Variants in MYH13 observed in about 807,000 individuals in gnomAD.
MYH13 encodes myosin heavy chain 13, also known as myosin-13.
A neutral mutation model predicts 232.1 loss-of-function variants in MYH13; 177 were observed. The ratio of observed to expected loss-of-function variants is 0.76; its 90% confidence interval spans 0.67 to 0.86. MYH13 has a LOEUF of 0.86. Ranked by LOEUF, MYH13 falls within the 40% of genes least tolerant of loss-of-function variation. The pLI is 0.00. For missense variants in MYH13, 2,246 were observed against 2,405.9 expected (o/e 0.93, Z 1.39); for synonymous variants, 884 against 923.5 (o/e 0.96, Z 0.78).
intron 13 of MYH13, 49 bp from the exon 14 acceptor site, chr17:10,345,665 T>C: frequency 6.2e-7 from 1 of 1,613,372 alleles, no homozygotes; most frequent in Non-Finnish European, 8.5e-7. Flanking sequence ...TTTCTATGGC[T>C]GCATTAAGTT....
intron 27 of MYH13, among the ~76,000 whole-genome samples, chr17:10,318,230 G>A (rs1222955169): frequency 6.6e-6 from 1 of 152,216 alleles, no homozygotes; most frequent in African/African-American, 2.4e-5. Flanking sequence ...GAACAAGAGC[G>A]AAACAGTGGT....
rs1906939059 is a variant in MYH13 at position 10,321,535 on chromosome 17, A to G, written c.3108T>C (p.Asp1036=). The G allele has an allele frequency of 1.2e-6, 2 of 1,610,972 alleles. No individual in the cohort carries two copies. The highest frequency in any genetic ancestry group is 8.5e-7 in the Non-Finnish European group (1 of 1,178,882). Residue 1036 remains aspartate, a synonymous_variant, in exon 24 of 41, where the codon GAT becomes GAC. Transcript: ENST00000252172. ...CATAGTAGTAAAATATCCTCACATC[A>G]TCTGTTTGCTGTTCAAGCTTGGCAT... ...KINAKLEQQT[D]DLEGSLEQEK...
In MYH13 at chr17:10,324,204, G is replaced by A. The variant is rs750336933; in HGVS notation, c.2752C>T (p.Leu918=). Residue 918 remains leucine (L), a synonymous_variant, in exon 23 of 41, where the codon CTA becomes TTA. Coordinates refer to ENST00000252172, the MANE Select transcript of MYH13 (RefSeq NM_003802.3). Reference sequence around the variant, plus strand: ...AGCTCCTTGACTTTTGCTTCCAGTAGGATCTTGCTTTTGATGAGTCCTTCA... The same window carrying A: ...AGCTCCTTGACTTTTGCTTCCAGTAAGATCTTGCTTTTGATGAGTCCTTCA... ...RCEGLIKSKI[L]LEAKVKELTE... is the part of the protein sequence containing the mutation. 1 of 1,613,878 alleles carries A rather than the reference G, an allele frequency of 6.2e-7. No individual in the cohort carries two copies. The highest frequency in any genetic ancestry group is 8.5e-7 in the Non-Finnish European group (1 of 1,179,878).
rs755218470 is a variant in MYH13 at position 10,345,289 on chromosome 17, C to G, written c.1497G>C (p.Glu499Asp). 1 of 1,614,054 alleles carries G rather than the reference C, an allele frequency of 6.2e-7. No homozygotes were observed. The highest frequency in any genetic ancestry group is 8.5e-7 in the Non-Finnish European group (1 of 1,179,996). The change falls in exon 15 of 41, where the codon GAG (glutamate) becomes GAC (aspartate). Residue 499 changes from glutamate to aspartate, a missense_variant. By Grantham distance (45) the Glu-to-Asp change is conservative. Coordinates refer to ENST00000252172, the MANE Select transcript of MYH13 (RefSeq NM_003802.3). The stretch of plus-strand genomic sequence containing the variant: ...TGCCTTCCTTCTTGTACTCTTCCTG[C>G]TCCAGCACGAACATGTGGTGGTTGA... ...QFFNHHMFVL[E>D]QEEYKKEGIE...
rs751858574 is a variant in MYH13 at position 10,307,039 on chromosome 17, T to A, written c.5195A>T (p.Lys1732Ile). The change falls in exon 36 of 41, where the codon AAA (lysine) becomes ATA (isoleucine). Residue 1732 changes from lysine (K) to isoleucine (I), a missense_variant. Coordinates refer to ENST00000252172, the MANE Select transcript of MYH13 (RefSeq NM_003802.3). The stretch of plus-strand genomic sequence containing the variant: ...CTGAGCTATGTCAGCCTCCAGTTTT[T>A]TCTTGGTATTTATCAGGCTTGTGTT... ...SQNTSLINTK[K>I]KLEADIAQCQ... The A allele has an allele frequency of 6.2e-7, 1 of 1,614,040 alleles. No individual in the cohort carries two copies. The highest frequency in any genetic ancestry group is 1.1e-5 in the South Asian group (1 of 91,082).
intron 35 of MYH13, 55 bp from the exon 36 acceptor site, chr17:10,307,119 A>T (rs1352252786): frequency 6.3e-7 from 1 of 1,591,252 alleles, no homozygotes; most frequent in African/African-American, 1.4e-5. Context: ...GCTTAAAAAA[A>T]TTGGGAGAGG....
chr17:10,305,366 T>G (rs949522418), intron 37 of MYH13, among the ~76,000 whole-genome samples: 1 of 152,238 alleles, frequency 6.6e-6, no homozygotes, highest in Non-Finnish European at 1.5e-5. Context: ...AAAATAAACA[T>G]TAAAGAATTT....
At chr17:10,331,205 C>T (rs1463943427) in intron 20 of MYH13, among the ~76,000 whole-genome samples, 2 of 152,186 alleles carry the variant, frequency 1.3e-5, no homozygotes, top group African/African-American at 4.8e-5. Flanking sequence ...GCTTCACCCT[C>T]TTCTTCTGTC....
Position 10,324,045 on chromosome 17 carries a change from C to T in MYH13, c.2911G>A (p.Glu971Lys). The change falls in exon 23 of 41, where the codon GAG becomes AAG. Residue 971 changes from glutamate to lysine, a missense_variant. Physicochemically the swap from Glu to Lys is moderately conservative, Grantham distance 56. Coordinates refer to ENST00000252172, the MANE Select transcript of MYH13 (RefSeq NM_003802.3). ...LELTLTKVEK[E>K]KHATENKVKN... ...ACCTTGTTCTCTGTGGCATGCTTCTCCTTTTCAACTTTCGTCAAGGTCAGC... is the reference window on the plus strand; with the variant it reads ...ACCTTGTTCTCTGTGGCATGCTTCTTCTTTTCAACTTTCGTCAAGGTCAGC... 2.5e-6 allele frequency: 4 copies of T among 1,614,006 alleles called. No homozygotes were observed. The highest frequency in any genetic ancestry group is 3.4e-6 in the Non-Finnish European group (4 of 1,179,966).
rs34109323 is a variant in MYH13 at position 10,371,278 on chromosome 17, A to AC, written c.-63-20_-63-19insG. On this transcript the variant is annotated intron_variant, in intron 1 of 40. Coordinates refer to ENST00000252172, the MANE Select transcript of MYH13 (RefSeq NM_003802.3). ...CGTCTTCCTGGGGATAATTTGAGAA[A>AC]AAAAAACAAACCAAAAAAACCCAAA... 30,440 of 152,132 alleles carry AC rather than the reference A, an allele frequency of 0.2. 3,248 individuals carry two copies. The highest frequency in any genetic ancestry group is 0.23 in the Non-Finnish European group (15,784 of 67,970). 9.4% of individuals were successfully genotyped at this position (152,132 alleles called of 1,614,324 possible). A position where few individuals can be genotyped will look rare whatever the true frequency, so the allele number is the denominator to read the frequency against.
chr17:10,317,892 T>C (rs1262843821), intron 27 of MYH13: 1 of 152,244 alleles, frequency 6.6e-6, no homozygotes, highest in African/African-American at 2.4e-5. Context: ...TTTTGTCTCA[T>C]TTTAAATATC....
chr17:10,344,540 G>T (rs768805566), intron 15 of MYH13, among the ~76,000 whole-genome samples: 3 of 151,950 alleles, frequency 2.0e-5, no homozygotes, highest in Admixed American at 2.0e-4. Context: ...AATGTCGGCC[G>T]GGCGTGGTGG....
Position 10,333,200 on chromosome 17 carries a change from A to C in MYH13, c.2057-9T>G, listed in dbSNP as rs1228366826. 1 of 1,531,762 alleles carries C rather than the reference A, an allele frequency of 6.5e-7. No individual in the cohort carries two copies. Among genetic ancestry groups the C allele is most frequent in the East Asian group, 2.5e-5 (1 of 40,780 alleles). 94.9% of individuals were successfully genotyped at this position (1,531,762 alleles called of 1,614,324 possible). A position where few individuals can be genotyped will look rare whatever the true frequency, so the allele number is the denominator to read the frequency against. ...GTAGTGGTCCATCACACCTGGAGAG[A>C]GAACGTCCCGGGGGTGTGCCTGTGA... is the stretch of plus-strand genomic sequence containing the variant. On this transcript the variant is annotated splice_polypyrimidine_tract_variant and intron_variant, in intron 18 of 40. Coordinates refer to ENST00000252172, the MANE Select transcript of MYH13 (RefSeq NM_003802.3).
At chr17:10,307,297 T>C (rs1906327235) in intron 35 of MYH13, among the ~76,000 whole-genome samples, 1 of 152,162 alleles carries the variant, frequency 6.6e-6, no homozygotes, top group African/African-American at 2.4e-5. Context: ...ATGATAAAAG[T>C]AGAATTTCAA....
chr17:10,322,951 C>T lies in MYH13; in HGVS notation c.2934+1071G>A, dbSNP rs541610790. On this transcript the variant is annotated intron_variant, in intron 23 of 40. Transcript: ENST00000252172. ...CCTGGCCCTATATTTCATTTTCTTA[C>T]ATTTTTCCACCGTTTAGCAGTAGGT... is the stretch of plus-strand genomic sequence containing the variant. Among the ~76,000 whole-genome samples, 293 of 152,206 alleles carry T rather than the reference C, an allele frequency of 1.9e-3. 3 individuals are homozygous for T. The highest frequency in any genetic ancestry group is 6.5e-3 in the African/African-American group (272 of 41,544).
In MYH13 at chr17:10,343,863, A is replaced by G. The variant is rs373360808; in HGVS notation, c.1831T>C (p.Tyr611His). The change falls in exon 16 of 41, where the codon TAC becomes CAC. Residue 611 changes from tyrosine (Y) to histidine (H), a missense_variant. By Grantham distance (83) the Tyr-to-His change is moderately conservative. Coordinates refer to ENST00000252172, the MANE Select transcript of MYH13 (RefSeq NM_003802.3). The stretch of plus-strand genomic sequence containing the variant: ...AGAAGCTTCAGCGAAGACTTCTGGT[A>G]CAGCCCCACCACAGTCTCGTTCAGG... ...DPLNETVVGL[Y>H]QKSSLKLLSF... 6.8e-6 allele frequency: 11 copies of G among 1,613,946 alleles called. No homozygotes were observed. The highest frequency in any genetic ancestry group is 4.2e-6 in the Non-Finnish European group (5 of 1,179,934).
At chr17:10,356,590 T>G (rs1248467245) in intron 8 of MYH13, among the ~76,000 whole-genome samples, 1 of 152,178 alleles carries the variant, frequency 6.6e-6, no homozygotes, top group Non-Finnish European at 1.5e-5. Context: ...AGGATACAGG[T>G]GCAAACTGGC....
At position 10,301,629 on chromosome 17, in the gene MYH13, C is replaced by T. The variant is rs572927085; in HGVS notation, c.5742G>A (p.Ala1914=). ...TGTTGACCTGGGACTCAGCGATGTC[C>T]GCCCTCTCCGCGGCCTCCTCTAGCT... The part of the protein sequence containing the change: ...QHELEEAAER[A]DIAESQVNKL... Residue 1914 remains alanine, a synonymous_variant, in exon 40 of 41, where the codon GCG becomes GCA. Coordinates refer to ENST00000252172, the MANE Select transcript of MYH13 (RefSeq NM_003802.3). 3.7e-5 allele frequency: 59 copies of T among 1,614,182 alleles called. No homozygotes were observed. The African/African-American group carries it at 4.7e-4, about 13-fold the overall frequency.
intron 16 of MYH13, among the ~76,000 whole-genome samples, chr17:10,342,865 T>G (rs952383782): frequency 6.6e-6 from 1 of 151,608 alleles, no homozygotes; most frequent in Non-Finnish European, 1.5e-5. Context: ...TCGAGGCGGG[T>G]GGATCACAAG....
Sources: gnomAD v4.1 joint callset for allele counts (sites outside exome capture counted in the v4.1 genomes callset) on GRCh38, gnomAD v4.1.1 for gene constraint, MANE v1.5 for transcripts, NCBI Gene and HGNC (gene_info 2026-07-23, HGNC 2026-07-21) for gene names.